SNX25: variants seen among roughly 807,000 people sequenced by gnomAD.
SNX25 encodes the protein sorting nexin-25.
A neutral mutation model predicts 113.7 loss-of-function variants in SNX25; 62 were observed. That is an observed-to-expected ratio of 0.55 (90% CI 0.44 to 0.67). SNX25 has a LOEUF of 0.67. SNX25 is among the 30% of genes least tolerant of loss of function. The pLI is 0.00. For synonymous variants in SNX25, 421 were observed against 436.2 expected (o/e 0.97, Z 0.43); for missense variants, 1,014 against 1,161.0 (o/e 0.87, Z 1.84).
chr4:185,320,677 C>A, intron 7 of SNX25, 56 bp from the exon 8 acceptor site: 1 of 1,342,334 alleles, frequency 7.4e-7, no homozygotes, highest in South Asian at 2.0e-5. Context: ...GAAGTTAAAG[C>A]AAACTGACAT....
At chr4:185,300,110 A>T (rs1200906642) in intron 6 of SNX25, among the ~76,000 whole-genome samples, 1 of 152,228 alleles carries the variant, frequency 6.6e-6, no homozygotes, top group Non-Finnish European at 1.5e-5. Flanking sequence ...ACATACACAA[A>T]CACATAGACA....
At chr4:185,233,575 C>T (rs1742173185) in intron 1 of SNX25, among the ~76,000 whole-genome samples, 1 of 152,144 alleles carries the variant, frequency 6.6e-6, no homozygotes, top group Admixed American at 6.5e-5. Flanking sequence ...TTACCTTTTT[C>T]TAAGCCAGTT....
intron 1 of SNX25, among the ~76,000 whole-genome samples, chr4:185,238,806 G>A (rs1743044035): frequency 6.6e-6 from 1 of 152,184 alleles, no homozygotes; most frequent in Non-Finnish European, 1.5e-5. Flanking sequence ...GTATGTAATG[G>A]AGGTGAGAGA....
chr4:185,268,188 G>A (rs1169598398), intron 5 of SNX25, among the ~76,000 whole-genome samples: 2 of 152,216 alleles, frequency 1.3e-5, no homozygotes, highest in African/African-American at 4.8e-5. Flanking sequence ...CCTTAGAAAA[G>A]CACTGGAAGG....
chr4:185,352,104 A>T (rs568837494), intron 14 of SNX25, among the ~76,000 whole-genome samples: 80 of 152,138 alleles, frequency 5.3e-4, no homozygotes, highest in Middle Eastern at 6.3e-3. Flanking sequence ...GAAGCATGGG[A>T]TATTCTGAAG....
At chr4:185,267,855 T>C (rs1479145875) in intron 5 of SNX25, among the ~76,000 whole-genome samples, 1 of 152,208 alleles carries the variant, frequency 6.6e-6, no homozygotes. Context: ...TGTTATATAC[T>C]GTATTCTTAC....
rs1205823215 is a variant in SNX25 at position 185,357,683 on chromosome 4, T to A, written c.2597T>A (p.Val866Glu). The change falls in exon 16 of 19, where the codon GTG (valine) becomes GAG (glutamate). Residue 866 changes from valine to glutamate, a missense_variant. Physicochemically the swap from Val to Glu is moderately radical, Grantham distance 121. Coordinates refer to ENST00000652585, the MANE Select transcript of SNX25 (RefSeq NM_001378034.2). ...GTTTCTGTTTCAGTGTTTAAATGGG[T>A]GAGAAGAACATTAATTGCCCTCGTT... Reference protein sequence around the residue: ...IFELRGMFKWVRRTLIALVQV... With the variant: ...IFELRGMFKWERRTLIALVQV... 2 of 1,614,026 alleles carry A rather than the reference T, an allele frequency of 1.2e-6. No individual in the cohort carries two copies. The highest frequency in any genetic ancestry group is 3.3e-5 in the Admixed American group (2 of 60,018).
chr4:185,291,910 A>G (rs1752226054), intron 6 of SNX25, among the ~76,000 whole-genome samples: 1 of 152,176 alleles, frequency 6.6e-6, no homozygotes, highest in African/African-American at 2.4e-5. Flanking sequence ...TCTTTTTGGG[A>G]ACACAATTCA....
At chr4:185,338,388 G>C (rs918467173) in intron 10 of SNX25, among the ~76,000 whole-genome samples, 1 of 150,790 alleles carries the variant, frequency 6.6e-6, no homozygotes, top group Non-Finnish European at 1.5e-5. Flanking sequence ...CGATTCTCCT[G>C]CCTTAGCCTC....
intron 6 of SNX25, among the ~76,000 whole-genome samples, chr4:185,310,353 C>T (rs1755067781): frequency 6.6e-6 from 1 of 152,194 alleles, no homozygotes; most frequent in Non-Finnish European, 1.5e-5. Context: ...TTAAAGAATA[C>T]ACACACAGAT....
intron 5 of SNX25, 105 bp from the exon 6 acceptor site, chr4:185,287,907 A>C: frequency 1.1e-6 from 1 of 900,906 alleles, no homozygotes. Flanking sequence ...CAGGATTCAC[A>C]GCTCCTGTGT....
chr4:185,238,952 A>T (rs1195998061), intron 1 of SNX25, among the ~76,000 whole-genome samples: 3 of 152,114 alleles, frequency 2.0e-5, no homozygotes, highest in Non-Finnish European at 4.4e-5. Flanking sequence ...GCTGGATTCC[A>T]GGGAGTTCCT....
rs563686610 is a variant in SNX25 at position 185,275,030 on chromosome 4, T to C, written c.1091+7875T>C. ...GAGATAACCCTTTACTGTTTGTGAG[T>C]CTCGGCTGGCACTAAACCTTTGCAC... is the stretch of plus-strand genomic sequence containing the variant. On this transcript the variant is annotated intron_variant, in intron 5 of 18. Transcript: ENST00000652585. Among the ~76,000 whole-genome samples the C allele has an allele frequency of 2.6e-5, 4 of 152,234 alleles. No homozygotes were observed. The South Asian group carries it at 8.3e-4, about 32-fold the overall frequency.
At chr4:185,369,767 G>A (rs1261851748) in exon 12 of SNX25, 2 of 446,208 alleles carry the variant, frequency 4.5e-6, no homozygotes, top group Non-Finnish European at 9.0e-6. Flanking sequence ...CAACAAATAC[G>A]CTTCTGTCTC....
intron 7 of SNX25, among the ~76,000 whole-genome samples, chr4:185,317,330 G>C (rs544424936): frequency 6.6e-6 from 1 of 152,234 alleles, no homozygotes; most frequent in East Asian, 1.9e-4. Context: ...AACAGATGCT[G>C]ACGAGGCTGT....
intron 6 of SNX25, among the ~76,000 whole-genome samples, chr4:185,300,548 G>A (rs1394422992): frequency 6.6e-6 from 1 of 151,868 alleles, no homozygotes; most frequent in Non-Finnish European, 1.5e-5. Context: ...AAAAAAGAGA[G>A]CTAGCTAATT....
chr4:185,273,487 G>A (rs553749548), intron 5 of SNX25, among the ~76,000 whole-genome samples: 1 of 152,282 alleles, frequency 6.6e-6, no homozygotes, highest in African/African-American at 2.4e-5. Context: ...CCACAAGCAA[G>A]CTAATTAACA....
chr4:185,239,204 A>T (rs144148750), intron 1 of SNX25, among the ~76,000 whole-genome samples: 23 of 152,260 alleles, frequency 1.5e-4, no homozygotes, highest in Admixed American at 1.2e-3. Flanking sequence ...GTTTTCTGCC[A>T]GGCGCGGTGG....
intron 2 of SNX25, among the ~76,000 whole-genome samples, chr4:185,255,075 T>C (rs1004411781): frequency 6.6e-6 from 1 of 152,206 alleles, no homozygotes; most frequent in African/African-American, 2.4e-5. Context: ...ATATGTGTAC[T>C]TGTGTAAATT....
Sources: allele counts gnomAD v4.1 joint callset (sites outside exome capture counted in the v4.1 genomes callset), GRCh38; gene constraint gnomAD v4.1.1; transcripts MANE v1.5; gene names NCBI Gene and HGNC (gene_info 2026-07-23, HGNC 2026-07-21).